The following CERKL variants were observed in gnomAD, a reference collection of about 807,000 sequenced individuals.
CERKL encodes the protein ceramide kinase-like protein.
CERKL carries 61 observed loss-of-function variants against 63.4 expected under a neutral mutation model. That is an observed-to-expected ratio of 0.96 (90% CI 0.78 to 1.19). The LOEUF (loss-of-function observed/expected upper bound fraction) is 1.19, where lower values mean the gene tolerates loss of function less well. CERKL is among the 50% of genes most tolerant of loss of function. The pLI, the probability that CERKL is intolerant of heterozygous loss-of-function variation, is 0.00. For missense variants in CERKL, 675 were observed against 655.5 expected (o/e 1.03, Z -0.33); for synonymous variants, 250 against 230.5 (o/e 1.08, Z -0.77).
At chr2:181,631,323 TCA>T (rs1363825887) in intron 1 of CERKL, among the ~76,000 whole-genome samples, 1 of 152,204 alleles carries the variant, frequency 6.6e-6, no homozygotes, top group Non-Finnish European at 1.5e-5. Flanking sequence ...CCAGAGCTTC[TCA>T]GAGCTTCCAA....
chr2:181,595,927 C>T (rs1208920943), intron 2 of CERKL, among the ~76,000 whole-genome samples: 1 of 152,058 alleles, frequency 6.6e-6, no homozygotes, highest in Non-Finnish European at 1.5e-5. Flanking sequence ...CTACTAAATG[C>T]TTAATAAACA....
chr2:181,539,801 C>T (rs1372727359), intron 11 of CERKL, among the ~76,000 whole-genome samples: 3 of 152,210 alleles, frequency 2.0e-5, no homozygotes, highest in Admixed American at 1.3e-4. Context: ...TGGACACAAG[C>T]TGCAAGATCA....
rs1267362169 is a variant in CERKL at position 181,609,533 on chromosome 2, T to TGAAAAAAAA, written c.239-5455_239-5454insTTTTTTTTC. Reference sequence around the variant, plus strand: ...CACCATGGTGAAACCCTGTCTCTACTAAAAAAAAAAAAAAAAAAAAAAATT... The same window carrying TGAAAAAAAA: ...CACCATGGTGAAACCCTGTCTCTACTGAAAAAAAAAAAAAAAAAAAAAAAAAAAAAAATT... On this transcript the variant is annotated intron_variant, in intron 1 of 12. Transcript: ENST00000410087. 4.9e-3 allele frequency among the ~76,000 whole-genome samples: 344 copies of TGAAAAAAAA among 70,220 alleles called. 16 individuals carry two copies. Among genetic ancestry groups the TGAAAAAAAA allele is most frequent in the African/African-American group, 0.015 (318 of 21,096 alleles). 46.1% of individuals were successfully genotyped at this position (70,220 alleles called of 152,430 possible).
chr2:181,626,685 T>C (rs1047876867), intron 1 of CERKL, among the ~76,000 whole-genome samples: 5 of 152,216 alleles, frequency 3.3e-5, no homozygotes, highest in Non-Finnish European at 7.3e-5. Context: ...TATGATCATG[T>C]TAAAAAGGAA....
chr2:181,632,905 C>T (rs1559115846), intron 1 of CERKL, among the ~76,000 whole-genome samples: 1 of 152,118 alleles, frequency 6.6e-6, no homozygotes, highest in Non-Finnish European at 1.5e-5. Context: ...GGAAACTAAA[C>T]CACAATTTAG....
At chr2:181,631,554 C>T (rs1450919416) in intron 1 of CERKL, among the ~76,000 whole-genome samples, 2 of 152,254 alleles carry the variant, frequency 1.3e-5, no homozygotes, top group South Asian at 4.2e-4. Flanking sequence ...CACCCCTCCA[C>T]AGCACCCCCC....
rs942180834 is a variant in CERKL at position 181,550,187 on chromosome 2, A to G, written c.821-479T>C. Among the ~76,000 whole-genome samples the G allele has an allele frequency of 2.0e-5, 3 of 152,244 alleles. No individual in the cohort carries two copies. The highest frequency in any genetic ancestry group is 7.2e-5 in the African/African-American group (3 of 41,476). ...ACTACAAAAAATATGCTCTAAACAC[A>G]TTTAATGAATCTTAGAGGTAAGCTC... On this transcript the variant is annotated intron_variant, in intron 5 of 12. Coordinates refer to ENST00000410087, the MANE Select transcript of CERKL (RefSeq NM_201548.5). This position sits in a 1 kb window ranked among gnomAD's most constrained non-coding sequence, Gnocchi z 4.5.
At chr2:181,593,380 C>T (rs1049043562) in intron 2 of CERKL, among the ~76,000 whole-genome samples, 4 of 151,996 alleles carry the variant, frequency 2.6e-5, no homozygotes, top group African/African-American at 9.7e-5. Flanking sequence ...TACTAATATC[C>T]GTGGTAAACA....
intron 2 of CERKL, 51 bp from the exon 3 acceptor site, chr2:181,573,935 T>C: frequency 6.4e-7 from 1 of 1,558,712 alleles, no homozygotes; most frequent in South Asian, 1.2e-5. Flanking sequence ...CATCATTTTT[T>C]TTCTTTCCCT....
In CERKL at chr2:181,537,408, G is replaced by A. The variant is rs1488927390; in HGVS notation, c.*776C>T. 6.7e-6 allele frequency: 3 copies of A among 449,526 alleles called. No homozygotes were observed. The highest frequency in any genetic ancestry group is 4.7e-5 in the South Asian group (3 of 64,156). 27.8% of individuals were successfully genotyped at this position (449,526 alleles called of 1,614,324 possible). A position where few individuals can be genotyped will look rare whatever the true frequency, so the allele number is the denominator to read the frequency against. On this transcript the variant is annotated 3_prime_UTR_variant, in exon 13 of 13. Coordinates refer to ENST00000410087, the MANE Select transcript of CERKL (RefSeq NM_201548.5). ...GCTAGATTTTGCCCAGTTCAAAATA[G>A]TATTTGTTATCAACTTACTTTGTTA...
intron 1 of CERKL, among the ~76,000 whole-genome samples, chr2:181,640,886 G>T (rs187781806): frequency 1.0e-3 from 153 of 152,270 alleles, no homozygotes; most frequent in African/African-American, 3.6e-3. Flanking sequence ...CACTCCTAGG[G>T]GAATAGTTCT....
Position 181,558,524 on chromosome 2 carries a change from G to A in CERKL, c.820+42C>T. The A allele has an allele frequency of 6.2e-7, 1 of 1,603,474 alleles. No individual in the cohort carries two copies. Among genetic ancestry groups the A allele is most frequent in the African/African-American group, 1.3e-5 (1 of 74,766 alleles). On this transcript the variant is annotated intron_variant, in intron 5 of 12. Coordinates refer to ENST00000410087, the MANE Select transcript of CERKL (RefSeq NM_201548.5). The surrounding 1 kb of genome is among the most constrained non-coding windows in gnomAD (Gnocchi z 4.2). ...GATTAGCAAGTAAGAAAGGAAAAGA[G>A]GGAGAAGGGTCAGTTTAATGAATCT...
chr2:181,602,634 T>C (rs576554829), intron 2 of CERKL, among the ~76,000 whole-genome samples: 1 of 152,190 alleles, frequency 6.6e-6, no homozygotes, highest in Non-Finnish European at 1.5e-5. Context: ...CTTCAGCTCA[T>C]CTCGCATGAG....
chr2:181,598,002 T>C lies in CERKL; in HGVS notation c.481+5835A>G, dbSNP rs563570045. ...GCAACACCATGTCAAGGAACGGATA[T>C]GGAGAGGGGGTCATCTGTGGCAATA... is the stretch of plus-strand genomic sequence containing the variant. On this transcript the variant is annotated intron_variant, in intron 2 of 12. Coordinates refer to ENST00000410087, the MANE Select transcript of CERKL (RefSeq NM_201548.5). Among the ~76,000 whole-genome samples, 7 of 152,216 alleles carry C rather than the reference T, an allele frequency of 4.6e-5. No homozygotes were observed. The South Asian group carries it at 1.5e-3, about 32-fold the overall frequency.
Position 181,558,769 on chromosome 2 carries a change from G to A in CERKL, c.678-61C>T, listed in dbSNP as rs755482464. ...TTCAGAATGATTGGTAATAAGTCAT[G>A]AAATCTAGACTTCAAAATAGTTTAC... is the stretch of plus-strand genomic sequence containing the variant. On this transcript the variant is annotated intron_variant, in intron 4 of 12. Transcript: ENST00000410087. This position sits in a 1 kb window ranked among gnomAD's most constrained non-coding sequence, Gnocchi z 4.2. The A allele has an allele frequency of 3.7e-5, 57 of 1,548,608 alleles. No individual in the cohort carries two copies. The highest frequency in any genetic ancestry group is 4.9e-5 in the Non-Finnish European group (55 of 1,122,758).
chr2:181,546,274 C>T (rs1687723240), intron 10 of CERKL, among the ~76,000 whole-genome samples: 1 of 152,068 alleles, frequency 6.6e-6, no homozygotes, highest in Non-Finnish European at 1.5e-5. Flanking sequence ...ATCGATTGTT[C>T]CCAGAAGAGC....
chr2:181,574,124 T>A (rs1414080458), intron 2 of CERKL, among the ~76,000 whole-genome samples: 2 of 152,186 alleles, frequency 1.3e-5, no homozygotes, highest in African/African-American at 4.8e-5. Context: ...ATATTTAATT[T>A]ATGAAGGAAG....
At chr2:181,592,196 C>A (rs1401262678) in intron 2 of CERKL, among the ~76,000 whole-genome samples, 1 of 152,132 alleles carries the variant, frequency 6.6e-6, no homozygotes, top group Non-Finnish European at 1.5e-5. Flanking sequence ...AATCATCTTT[C>A]TCTTTCTCTC....
At chr2:181,595,245 AT>A (rs1224737148) in intron 2 of CERKL, among the ~76,000 whole-genome samples, 132 of 149,682 alleles carry the variant, frequency 8.8e-4, no homozygotes, top group African/African-American at 2.4e-3. Flanking sequence ...AATGTCTGCC[AT>A]TTTTTTTTTC....
Sources: allele counts gnomAD v4.1 joint callset (sites outside exome capture counted in the v4.1 genomes callset), GRCh38; gene constraint gnomAD v4.1.1; non-coding constraint Gnocchi (gnomAD v3.1); transcripts MANE v1.5; gene names NCBI Gene and HGNC (gene_info 2026-07-23, HGNC 2026-07-21).